Variants in CUBN observed in about 807,000 individuals in gnomAD.
CUBN encodes 460 kDa receptor.
A neutral mutation model predicts 405.3 loss-of-function variants in CUBN; 282 were observed. The ratio of observed to expected loss-of-function variants is 0.70; its 90% confidence interval spans 0.63 to 0.77. The LOEUF is 0.77. CUBN is among the 30% of genes least tolerant of loss of function. The pLI, the probability that CUBN is intolerant of heterozygous loss-of-function variation, is 0.00. For missense variants in CUBN, 4,514 were observed against 4,475.2 expected (o/e 1.01, Z -0.25); for synonymous variants, 1,684 against 1,617.0 (o/e 1.04, Z -0.99).
intron 1 of CUBN, 71 bp from the exon 2 acceptor site, chr10:17,129,321 T>A: frequency 6.5e-7 from 1 of 1,538,688 alleles, no homozygotes; most frequent in South Asian, 1.1e-5. Flanking sequence ...TAACAAAGTT[T>A]CTTACTGAAT....
At chr10:17,061,576 T>C (rs1262806081) in intron 22 of CUBN, among the ~76,000 whole-genome samples, 1 of 152,192 alleles carries the variant, frequency 6.6e-6, no homozygotes, top group African/African-American at 2.4e-5. Context: ...TAGATGCCTC[T>C]TCTGAGCTCA....
intron 31 of CUBN, among the ~76,000 whole-genome samples, chr10:16,971,803 C>T (rs1307829624): frequency 2.0e-5 from 3 of 152,068 alleles, no homozygotes; most frequent in Non-Finnish European, 4.4e-5. Context: ...TTATATTTCT[C>T]CATTTTTTTT....
intron 25 of CUBN, among the ~76,000 whole-genome samples, chr10:17,044,621 T>C (rs2131818871): frequency 6.6e-6 from 1 of 152,284 alleles, no homozygotes; most frequent in Non-Finnish European, 1.5e-5. Flanking sequence ...AATGGTGAAT[T>C]GCTGTACTGT....
intron 64 of CUBN, among the ~76,000 whole-genome samples, chr10:16,833,647 A>G (rs556885118): frequency 1.3e-5 from 2 of 152,290 alleles, no homozygotes; most frequent in East Asian, 3.9e-4. Flanking sequence ...AAGAAAGAAG[A>G]AGAAAGAAAA....
At position 17,019,995 on chromosome 10, in the gene CUBN, G is replaced by C. The variant is rs774833001; in HGVS notation, c.4018-12C>G. 1 of 1,613,954 alleles carries C rather than the reference G, an allele frequency of 6.2e-7. No individual in the cohort carries two copies. The stretch of plus-strand genomic sequence containing the variant: ...GGTCCATCATAGAGCTGAAATTGAA[G>C]AGAAACTTTCCCATATAAAAACACA... On this transcript the variant is annotated splice_polypyrimidine_tract_variant and intron_variant, in intron 27 of 66. Coordinates refer to ENST00000377833, the MANE Select transcript of CUBN (RefSeq NM_001081.4).
At position 17,108,288 on chromosome 10, in the gene CUBN, A is replaced by C. The variant is rs150645883; in HGVS notation, c.1111+1352T>G. On this transcript the variant is annotated intron_variant, in intron 10 of 66. Coordinates refer to ENST00000377833, the MANE Select transcript of CUBN (RefSeq NM_001081.4). ...AAGCAGCTAAAATCTGGTGGAGCCC[A>C]GGGAAAAATGCAAGCAGTCTTTATC... is the stretch of plus-strand genomic sequence containing the variant. Among the ~76,000 whole-genome samples, 35 of 152,314 alleles carry C rather than the reference A, an allele frequency of 2.3e-4. No homozygotes were observed. The East Asian group carries it at 6.0e-3, about 26-fold the overall frequency.
At chr10:17,047,821 T>A (rs1835173965) in intron 22 of CUBN, among the ~76,000 whole-genome samples, 2 of 152,200 alleles carry the variant, frequency 1.3e-5, no homozygotes, top group Non-Finnish European at 2.9e-5. Context: ...GAGGAAATTG[T>A]TATATATATC....
chr10:16,998,488 C>A (rs528314267), intron 28 of CUBN, among the ~76,000 whole-genome samples: 1 of 152,312 alleles, frequency 6.6e-6, no homozygotes, highest in Non-Finnish European at 1.5e-5. Context: ...CTGCCAACAC[C>A]TTGACTTTGG....
chr10:16,851,181 C>A, intron 60 of CUBN, 54 bp downstream of exon 60: 1 of 1,389,556 alleles, frequency 7.2e-7, no homozygotes, highest in Middle Eastern at 2.4e-4. Context: ...CTGGAATACA[C>A]TATATTAGAG....
In CUBN at chr10:16,906,334, GAGTA is replaced by G. The variant is rs769074239; in HGVS notation, c.7777_7780del (p.Tyr2593GlnfsTer4). 7.4e-6 allele frequency: 12 copies of G among 1,613,946 alleles called. No individual in the cohort carries two copies. The highest frequency in any genetic ancestry group is 1.0e-5 in the Non-Finnish European group (12 of 1,179,834). On this transcript the variant is annotated frameshift_variant, in exon 50 of 67. Transcript: ENST00000377833. LOFTEE classifies it high-confidence loss of function. Reference sequence around the variant, plus strand: ...AGTCCATTCGCAGTTCAGGTTTCTTGAGTAATTCCTGACTCCGTCATAGCCAGGA... The same window carrying G: ...AGTCCATTCGCAGTTCAGGTTTCTTGATTCCTGACTCCGTCATAGCCAGGA...
In CUBN at chr10:16,891,722, C is replaced by A. The variant is rs573234396; in HGVS notation, c.8599-1195G>T. On this transcript the variant is annotated intron_variant, in intron 54 of 66. Coordinates refer to ENST00000377833, the MANE Select transcript of CUBN (RefSeq NM_001081.4). ...ATATACAAAACTTGGGGGAAAAAAA[C>A]CCCAAAAACATTAAACATATTAACC... Among the ~76,000 whole-genome samples the A allele has an allele frequency of 1.5e-4, 21 of 143,482 alleles. 1 individual carries two copies. The highest frequency in any genetic ancestry group is 3.8e-3 in the Middle Eastern group (1 of 266). 94.1% of individuals were successfully genotyped at this position (143,482 alleles called of 152,430 possible). A position where few individuals can be genotyped will look rare whatever the true frequency, so the allele number is the denominator to read the frequency against.
At chr10:17,018,825 T>G (rs1364944592) in intron 28 of CUBN, among the ~76,000 whole-genome samples, 1 of 152,170 alleles carries the variant, frequency 6.6e-6, no homozygotes, top group Non-Finnish European at 1.5e-5. Context: ...AGAGCGCTGA[T>G]TGGTGGGTTT....
At chr10:16,861,471 C>T (rs1178559941) in intron 59 of CUBN, among the ~76,000 whole-genome samples, 1 of 152,146 alleles carries the variant, frequency 6.6e-6, no homozygotes, top group African/African-American at 2.4e-5. Context: ...CAATGAATGC[C>T]TTCTTATCCT....
chr10:16,901,889 GTATATA>G (rs67084462), intron 51 of CUBN, among the ~76,000 whole-genome samples: 62,407 of 108,854 alleles, frequency 0.57, 17,990 homozygotes, highest in East Asian at 0.76. Context: ...ACCATATATA[GTATATA>G]TATATATATA....
chr10:16,826,478 A>C (rs1588561539), intron 66 of CUBN, among the ~76,000 whole-genome samples: 1 of 152,224 alleles, frequency 6.6e-6, no homozygotes, highest in Non-Finnish European at 1.5e-5. Flanking sequence ...TTAGCAAAAC[A>C]AGAGCTACCT....
At chr10:16,883,372 C>T (rs1840718367) in intron 56 of CUBN, among the ~76,000 whole-genome samples, 1 of 152,158 alleles carries the variant, frequency 6.6e-6, no homozygotes, top group South Asian at 2.1e-4. Flanking sequence ...AGTGCTCTGC[C>T]AGTTGAATAA....
chr10:16,854,312 G>T (rs1839808084), intron 59 of CUBN, among the ~76,000 whole-genome samples: 2 of 152,202 alleles, frequency 1.3e-5, no homozygotes, highest in South Asian at 4.1e-4. Context: ...ATTAGGATTG[G>T]GAAAACAGGA....
chr10:16,997,251 T>C (rs1380174524), intron 28 of CUBN, among the ~76,000 whole-genome samples: 2 of 151,998 alleles, frequency 1.3e-5, no homozygotes, highest in South Asian at 2.1e-4. Context: ...CTGGCAAACA[T>C]GGTGAAACCC....
intron 28 of CUBN, among the ~76,000 whole-genome samples, chr10:17,015,695 G>A (rs750249415): frequency 6.6e-6 from 1 of 152,152 alleles, no homozygotes; most frequent in Non-Finnish European, 1.5e-5. Flanking sequence ...CATCTGGTTG[G>A]GGACTTCTTG....
Sources: allele counts gnomAD v4.1 joint callset (sites outside exome capture counted in the v4.1 genomes callset), GRCh38; gene constraint gnomAD v4.1.1; transcripts MANE v1.5; gene names NCBI Gene and HGNC (gene_info 2026-07-23, HGNC 2026-07-21).